SETBP1: variants seen among roughly 807,000 people sequenced by gnomAD.
SETBP1 encodes the protein SET-binding protein.
In SETBP1, 9 loss-of-function variants were observed where a neutral mutation model predicts 101.0. That is an observed-to-expected ratio of 0.09 (90% CI 0.05 to 0.16). SETBP1 has a LOEUF of 0.16. SETBP1 is among the 10% of genes least tolerant of loss of function. SETBP1 has a pLI of 1.00. For missense variants in SETBP1, 1,858 were observed against 2,033.8 expected (o/e 0.91, Z 1.66); for synonymous variants, 818 against 788.5 (o/e 1.04, Z -0.63).
At chr18:44,857,600 T>A (rs1280474116) in intron 2 of SETBP1, among the ~76,000 whole-genome samples, 1 of 152,188 alleles carries the variant, frequency 6.6e-6, no homozygotes, top group Admixed American at 6.5e-5. Context: ...ACTAAAGGGC[T>A]TTCAGACTAA....
intron 3 of SETBP1, among the ~76,000 whole-genome samples, chr18:44,905,579 T>C (rs1462454909): frequency 6.6e-6 from 1 of 151,926 alleles, no homozygotes; most frequent in African/African-American, 2.4e-5. Context: ...GTTCTGATAC[T>C]AAAGGCACTG....
chr18:45,060,436 G>A (rs567092207), intron 5 of SETBP1, among the ~76,000 whole-genome samples: 2 of 151,788 alleles, frequency 1.3e-5, no homozygotes, highest in Non-Finnish European at 2.9e-5. Context: ...ACCAACATGA[G>A]CTCATATATA....
intron 5 of SETBP1, among the ~76,000 whole-genome samples, chr18:45,049,754 A>T (rs762610581): frequency 2.0e-5 from 3 of 152,160 alleles, no homozygotes; most frequent in East Asian, 1.9e-4. Flanking sequence ...GGAACAGTTA[A>T]TCTAGCAGCA....
intron 2 of SETBP1, among the ~76,000 whole-genome samples, chr18:44,762,131 C>G (rs2614983): frequency 2.4e-5 from 3 of 125,742 alleles, no homozygotes; most frequent in Non-Finnish European, 3.4e-5. Context: ...TACCAAGCTT[C>G]TAAACACTTT....
chr18:44,990,392 A>G (rs2072340071), intron 4 of SETBP1, among the ~76,000 whole-genome samples: 1 of 152,026 alleles, frequency 6.6e-6, no homozygotes, highest in Non-Finnish European at 1.5e-5. Context: ...CCAGGAGTTT[A>G]AGACCAGCCT....
At chr18:44,808,988 G>A (rs1476363422) in intron 2 of SETBP1, among the ~76,000 whole-genome samples, 5 of 152,122 alleles carry the variant, frequency 3.3e-5, no homozygotes, top group Admixed American at 3.3e-4. Context: ...TTTAATCATT[G>A]GCAGCAGAAT....
intron 1 of SETBP1, among the ~76,000 whole-genome samples, chr18:44,682,296 G>A (rs1394821689): frequency 6.6e-6 from 1 of 152,194 alleles, no homozygotes; most frequent in Non-Finnish European, 1.5e-5. Flanking sequence ...TGGAGAGGAA[G>A]GGCGGTGTTG....
intron 4 of SETBP1, among the ~76,000 whole-genome samples, chr18:44,991,244 C>CAAAAAAAAAA (rs55811938): frequency 5.9e-5 from 4 of 68,196 alleles, no homozygotes; most frequent in East Asian, 3.2e-4. Flanking sequence ...CTGCATCTCA[C>CAAAAAAAAAA]AAAAAAAAAA....
chr18:44,699,179 A>G (rs1247138073), intron 1 of SETBP1, among the ~76,000 whole-genome samples: 1 of 152,178 alleles, frequency 6.6e-6, no homozygotes, highest in Non-Finnish European at 1.5e-5. Context: ...GGGAGATTTT[A>G]TAGGTAGGTA....
At chr18:44,981,720 G>A (rs953356427) in intron 4 of SETBP1, among the ~76,000 whole-genome samples, 4 of 152,166 alleles carry the variant, frequency 2.6e-5, no homozygotes, top group African/African-American at 9.7e-5. Context: ...GAAGAATAAG[G>A]GAAGAATTTT....
At chr18:45,047,703 A>G (rs1209248252) in intron 5 of SETBP1, among the ~76,000 whole-genome samples, 2 of 152,222 alleles carry the variant, frequency 1.3e-5, no homozygotes, top group African/African-American at 2.4e-5. Context: ...CAGAAGAACT[A>G]TGTAATGACT....
chr18:44,954,276 A>C (rs1138614), intron 4 of SETBP1, among the ~76,000 whole-genome samples: 133,983 of 148,266 alleles, frequency 0.9, 60,713 homozygotes, highest in African/African-American at 0.97. Flanking sequence ...AAGACCAGAG[A>C]AGTTAGTTAT....
intron 2 of SETBP1, among the ~76,000 whole-genome samples, chr18:44,780,115 G>T (rs1466677993): frequency 2.0e-5 from 3 of 152,012 alleles, no homozygotes; most frequent in Admixed American, 6.5e-5. Flanking sequence ...CAGTCATCTG[G>T]GTGTTCGGAG....
intron 3 of SETBP1, among the ~76,000 whole-genome samples, chr18:44,948,312 C>T (rs28691182): frequency 0.013 from 2,041 of 152,100 alleles, 46 homozygotes; most frequent in African/African-American, 0.046. Flanking sequence ...AGGAAATAAC[C>T]CTAGGGATTC....
intron 3 of SETBP1, among the ~76,000 whole-genome samples, chr18:44,884,122 G>A (rs138602504): frequency 5.7e-4 from 87 of 152,284 alleles, no homozygotes; most frequent in African/African-American, 2.0e-3. Context: ...GCATCCAAAG[G>A]CAAGGCAGTA....
At chr18:44,822,168 T>G (rs2072127097) in intron 2 of SETBP1, among the ~76,000 whole-genome samples, 1 of 152,228 alleles carries the variant, frequency 6.6e-6, no homozygotes, top group Non-Finnish European at 1.5e-5. Context: ...GAATTCCATG[T>G]CTGATTTAGG....
intron 3 of SETBP1, among the ~76,000 whole-genome samples, chr18:44,892,354 C>A (rs2144787807): frequency 1.3e-5 from 2 of 152,274 alleles, no homozygotes; most frequent in Middle Eastern, 6.8e-3. Flanking sequence ...GGATGGGAAG[C>A]AAAATGTGTT....
chr18:44,777,510 G>A (rs551160530), intron 2 of SETBP1, among the ~76,000 whole-genome samples: 23 of 152,260 alleles, frequency 1.5e-4, no homozygotes, highest in African/African-American at 4.1e-4. Context: ...ACCATTCCGC[G>A]TATGTCCTGG....
intron 4 of SETBP1, among the ~76,000 whole-genome samples, chr18:45,034,984 A>C (rs1205364359): frequency 6.7e-6 from 1 of 148,476 alleles, no homozygotes; most frequent in Non-Finnish European, 1.5e-5. Flanking sequence ...GCTGGGAAGA[A>C]ACGTTTCAAA....
Sources: gnomAD v4.1 joint callset for allele counts (sites outside exome capture counted in the v4.1 genomes callset) on GRCh38, gnomAD v4.1.1 for gene constraint, MANE v1.5 for transcripts, NCBI Gene and HGNC (gene_info 2026-07-23, HGNC 2026-07-21) for gene names.